Variants in ERG observed in about 807,000 individuals in gnomAD.
ERG encodes the protein ETS transcription factor ERG, also known as transcriptional regulator ERG.
A neutral mutation model predicts 55.3 loss-of-function variants in ERG; 9 were observed. The ratio of observed to expected loss-of-function variants is 0.16; its 90% CI spans 0.10 to 0.28. The LOEUF is 0.28. ERG is among the 10% of genes least tolerant of loss of function. The pLI is 1.00. For synonymous variants in ERG, 223 were observed against 237.3 expected, an observed-to-expected ratio of 0.94 and a Z score of 0.55; for missense variants, 434 against 631.6, an observed-to-expected ratio of 0.69 and a Z score of 3.35.
At chr21:38,462,797 C>T (rs528082842) in intron 1 of ERG, among the ~76,000 whole-genome samples, 3 of 152,310 alleles carry the variant, frequency 2.0e-5, no homozygotes, top group African/African-American at 7.2e-5. Context: ...GCAGGCTGCC[C>T]ATCATGACCC....
At position 38,445,781 on chromosome 21, in the gene ERG, T is replaced by C. The variant is rs375619819; in HGVS notation, c.19-160A>G. Among the ~76,000 whole-genome samples, 6 of 152,260 alleles carry C rather than the reference T, an allele frequency of 3.9e-5. No homozygotes were observed. In the East Asian group the frequency reaches 1.2e-3, roughly 29 times the overall value. On this transcript the variant is annotated intron_variant, in intron 1 of 9. Coordinates refer to ENST00000288319, the MANE Select transcript of ERG (RefSeq NM_182918.4). Reference sequence around the variant, plus strand: ...AGAAGAAAAAAGTAGCTTGTTTTTCTTTCCTCGGGACAGTAAGAGTTAGAA... The same window carrying C: ...AGAAGAAAAAAGTAGCTTGTTTTTCCTTCCTCGGGACAGTAAGAGTTAGAA...
chr21:38,577,977 G>A (rs2060005193), intron 1 of ERG, among the ~76,000 whole-genome samples: 1 of 152,184 alleles, frequency 6.6e-6, no homozygotes, highest in African/African-American at 2.4e-5. Flanking sequence ...CCAGGCTCAG[G>A]CCTTTATGGA....
chr21:38,501,217 C>T (rs962991899), upstream of ERG, among the ~76,000 whole-genome samples: 1 of 151,794 alleles, frequency 6.6e-6, no homozygotes, highest in African/African-American at 2.4e-5. Context: ...AGGCGCCCGC[C>T]ACCACACCTG....
intron 1 of ERG, chr21:38,451,083 G>A (rs2058937270): frequency 4.4e-6 from 2 of 450,446 alleles, no homozygotes; most frequent in Admixed American, 4.8e-5. Context: ...GAGTGTTTTG[G>A]TGCCTGCTCT....
chr21:38,387,670 G>A (rs770751752), intron 9 of ERG, among the ~76,000 whole-genome samples: 1 of 152,180 alleles, frequency 6.6e-6, no homozygotes, highest in Non-Finnish European at 1.5e-5. Context: ...CTCTCCTATA[G>A]CCAGGAAATG....
intron 2 of ERG, among the ~76,000 whole-genome samples, chr21:38,567,030 C>A (rs1293502337): frequency 6.6e-6 from 1 of 152,070 alleles, no homozygotes; most frequent in Non-Finnish European, 1.5e-5. Flanking sequence ...GTGCCCCCTA[C>A]TGAATGTCAG....
chr21:38,488,289 C>G (rs745360549), intron 1 of ERG, among the ~76,000 whole-genome samples: 17 of 152,172 alleles, frequency 1.1e-4, no homozygotes, highest in Non-Finnish European at 2.1e-4. Flanking sequence ...TTTTAGGGAC[C>G]TGCAGGAGAT....
Position 38,464,639 on chromosome 21 carries a change from A to T in ERG, c.19-19018T>A, listed in dbSNP as rs146082273. Among the ~76,000 whole-genome samples, 267 of 152,132 alleles carry T rather than the reference A, an allele frequency of 1.8e-3. 1 individual carries two copies. Among genetic ancestry groups the T allele is most frequent in the African/African-American group, 6.1e-3 (255 of 41,508 alleles). On this transcript the variant is annotated intron_variant, in intron 1 of 9. Coordinates refer to ENST00000288319, the MANE Select transcript of ERG (RefSeq NM_182918.4). ...ATGCAGGTTTGTTACATAGTTATAT[A>T]CGTGCCATGGTAGTTTGCTGCACCC...
chr21:38,582,110 G>A (rs985798675), intron 1 of ERG, among the ~76,000 whole-genome samples: 6 of 150,400 alleles, frequency 4.0e-5, no homozygotes, highest in Non-Finnish European at 8.8e-5. Flanking sequence ...ACCTTGCCCT[G>A]TGCACCTCTT....
At chr21:38,528,938 A>G (rs1258766882) in intron 2 of ERG, among the ~76,000 whole-genome samples, 1 of 152,220 alleles carries the variant, frequency 6.6e-6, no homozygotes, top group South Asian at 2.1e-4. Context: ...TAAAATTCAC[A>G]GCAATGATTC....
At chr21:38,467,115 TG>T (rs1373587117) in intron 1 of ERG, among the ~76,000 whole-genome samples, 3 of 152,154 alleles carry the variant, frequency 2.0e-5, no homozygotes, top group Admixed American at 2.0e-4. Context: ...GTTAAAGACT[TG>T]GTTTTTTATC....
At chr21:38,610,859 G>A (rs146915387) in intron 1 of ERG, among the ~76,000 whole-genome samples, 3 of 152,282 alleles carry the variant, frequency 2.0e-5, no homozygotes, top group African/African-American at 4.8e-5. Context: ...CACTGGCCAA[G>A]GACAACAAGA....
chr21:38,488,478 C>A (rs1420084896), intron 1 of ERG, among the ~76,000 whole-genome samples: 1 of 152,120 alleles, frequency 6.6e-6, no homozygotes, highest in Admixed American at 6.5e-5. Context: ...TGCAAGGACA[C>A]ATCCTGTAGA....
At chr21:38,477,077 C>T (rs1223103832) in intron 1 of ERG, among the ~76,000 whole-genome samples, 1 of 137,286 alleles carries the variant, frequency 7.3e-6, no homozygotes, top group East Asian at 2.2e-4. Context: ...CACTGGTGCG[C>T]TCATGGCTCA....
chr21:38,494,426 C>T (rs2059363538), intron 1 of ERG, among the ~76,000 whole-genome samples: 1 of 152,194 alleles, frequency 6.6e-6, no homozygotes, highest in South Asian at 2.1e-4. Context: ...AGCTGTTAAA[C>T]CAATAAATCC....
At chr21:38,586,933 A>G (rs1458767779), upstream of ERG, among the ~76,000 whole-genome samples, 1 of 152,228 alleles carries the variant, frequency 6.6e-6, no homozygotes, top group East Asian at 1.9e-4. Context: ...AGTGGTGCAC[A>G]TACACAATGG....
intron 6 of ERG, among the ~76,000 whole-genome samples, chr21:38,397,933 C>G (rs1988307851): frequency 6.6e-6 from 1 of 152,116 alleles, no homozygotes; most frequent in African/African-American, 2.4e-5. Flanking sequence ...TCATGGTCAG[C>G]ACAATAACGC....
chr21:38,369,336 G>A, the ERG span, among the ~76,000 whole-genome samples: 1 of 152,146 alleles, frequency 6.6e-6, no homozygotes, highest in Non-Finnish European at 1.5e-5. Flanking sequence ...GTATCTTATT[G>A]TGGTTTTGAT....
intron 2 of ERG, among the ~76,000 whole-genome samples, chr21:38,539,579 G>A (rs1172745981): frequency 3.3e-5 from 5 of 152,210 alleles, no homozygotes; most frequent in South Asian, 4.1e-4. Context: ...AGAAATCGAC[G>A]AATAAAGTGA....
Sources: gnomAD v4.1 joint callset for allele counts (sites outside exome capture counted in the v4.1 genomes callset) on GRCh38, gnomAD v4.1.1 for gene constraint, MANE v1.5 for transcripts, NCBI Gene and HGNC (gene_info 2026-07-23, HGNC 2026-07-21) for gene names.